Variants in MDGA2 observed in about 807,000 individuals in gnomAD.
The protein encoded by MDGA2 is MAM domain containing glycosylphosphatidylinositol anchor 2.
A neutral mutation model predicts 117.8 loss-of-function variants in MDGA2; 40 were observed. The observed-to-expected ratio is 0.34, with a 90% confidence interval of 0.26 to 0.44. The LOEUF (loss-of-function observed/expected upper bound fraction) is 0.44, where lower values mean the gene tolerates loss of function less well. Among genes scored for constraint, MDGA2 ranks in the 20% least tolerant of loss-of-function variants. The pLI is 1.00. For synonymous variants in MDGA2, 452 were observed against 439.0 expected (o/e 1.03, Z -0.37); for missense variants, 1,123 against 1,250.6 (o/e 0.90, Z 1.54).
At chr14:47,639,171 G>C (rs1043637210) in intron 1 of MDGA2, among the ~76,000 whole-genome samples, 1 of 152,048 alleles carries the variant, frequency 6.6e-6, no homozygotes, top group African/African-American at 2.4e-5. Flanking sequence ...CACCTGATAT[G>C]CGTGAGTATA....
intron 8 of MDGA2, among the ~76,000 whole-genome samples, chr14:47,011,871 G>A (rs1018279939): frequency 6.6e-6 from 1 of 151,892 alleles, no homozygotes; most frequent in South Asian, 2.1e-4. Flanking sequence ...TAATGAAATC[G>A]TATACATTTT....
chr14:47,626,049 C>T (rs1415634435), intron 1 of MDGA2, among the ~76,000 whole-genome samples: 1 of 152,162 alleles, frequency 6.6e-6, no homozygotes, highest in African/African-American at 2.4e-5. Flanking sequence ...TACAGTGAGA[C>T]TCACTCATAC....
chr14:47,137,103 A>G (rs1023493570), intron 4 of MDGA2, among the ~76,000 whole-genome samples: 3 of 152,184 alleles, frequency 2.0e-5, no homozygotes, highest in African/African-American at 7.2e-5. Context: ...GGTCATGGAC[A>G]CTGCTGGTAT....
intron 7 of MDGA2, among the ~76,000 whole-genome samples, chr14:47,052,112 T>C (rs1889479982): frequency 6.6e-6 from 1 of 151,914 alleles, no homozygotes; most frequent in Admixed American, 6.6e-5. Context: ...GTTATCATTT[T>C]AAATGCAAAT....
chr14:47,175,693 A>T (rs572258337), intron 3 of MDGA2, among the ~76,000 whole-genome samples: 70 of 143,506 alleles, frequency 4.9e-4, no homozygotes, highest in African/African-American at 1.8e-3. Context: ...AGCCAATATC[A>T]TACTGAATGG....
chr14:47,433,789 A>G (rs2138532123), intron 1 of MDGA2, among the ~76,000 whole-genome samples: 1 of 152,298 alleles, frequency 6.6e-6, no homozygotes, highest in East Asian at 1.9e-4. Context: ...ATTATCTGCT[A>G]TTTAAATATC....
At chr14:47,124,744 C>G (rs905021769) in intron 5 of MDGA2, among the ~76,000 whole-genome samples, 2 of 152,024 alleles carry the variant, frequency 1.3e-5, no homozygotes, top group South Asian at 4.1e-4. Flanking sequence ...GTTTGGGACA[C>G]TAGAGGAAGG....
At chr14:47,305,124 A>G (rs1242551818) in intron 1 of MDGA2, 2 of 152,196 alleles carry the variant, frequency 1.3e-5, no homozygotes, top group Non-Finnish European at 2.9e-5. Context: ...TTTCTATTTT[A>G]GCAACTATCA....
intron 3 of MDGA2, among the ~76,000 whole-genome samples, chr14:47,193,736 C>T (rs2139415292): frequency 6.6e-6 from 1 of 152,286 alleles, no homozygotes; most frequent in African/African-American, 2.4e-5. Flanking sequence ...ACCTAGAGCT[C>T]AGAGAATGAT....
At chr14:47,088,057 T>G (rs1594606937) in intron 6 of MDGA2, among the ~76,000 whole-genome samples, 1 of 152,028 alleles carries the variant, frequency 6.6e-6, no homozygotes, top group Admixed American at 6.6e-5. Context: ...TGCCTATCAT[T>G]ACATAAAATT....
At chr14:47,557,631 A>G (rs1023934901) in intron 1 of MDGA2, among the ~76,000 whole-genome samples, 9 of 152,208 alleles carry the variant, frequency 5.9e-5, no homozygotes, top group Admixed American at 1.3e-4. Flanking sequence ...AATTTTCACA[A>G]ATGTTATATT....
intron 1 of MDGA2, among the ~76,000 whole-genome samples, chr14:47,434,971 A>T (rs1036669113): frequency 6.6e-6 from 1 of 152,032 alleles, no homozygotes; most frequent in Admixed American, 6.6e-5. Flanking sequence ...ACCTGTCTGT[A>T]CTAAAAATAC....
chr14:47,521,603 C>T (rs1894868242), intron 1 of MDGA2, among the ~76,000 whole-genome samples: 1 of 152,090 alleles, frequency 6.6e-6, no homozygotes, highest in Admixed American at 6.6e-5. Context: ...TTCCAAAATG[C>T]TATGACCACT....
rs547805715 is a variant in MDGA2, at chr14:47,303,188, C to A, written c.281-1638G>T. On this transcript the variant is annotated intron_variant, in intron 1 of 16. Transcript: ENST00000399232. ...GCATTTTTACCAAACACTCAGATAGCTGCAATGACAGAGCTAGTTAGACTA... is the reference window on the plus strand; with the variant it reads ...GCATTTTTACCAAACACTCAGATAGATGCAATGACAGAGCTAGTTAGACTA... Among the ~76,000 whole-genome samples, 3 of 152,240 alleles carry A rather than the reference C, an allele frequency of 2.0e-5. No individual in the cohort carries two copies. The South Asian group carries it at 6.2e-4, about 32-fold the overall frequency.
At chr14:47,013,772 G>A (rs1184950146) in intron 8 of MDGA2, among the ~76,000 whole-genome samples, 3 of 93,700 alleles carry the variant, frequency 3.2e-5, no homozygotes, top group African/African-American at 7.2e-5. Flanking sequence ...TAATTTCCTT[G>A]TATATATATA....
At chr14:47,098,663 T>G (rs1880124143) in intron 5 of MDGA2, among the ~76,000 whole-genome samples, 1 of 151,940 alleles carries the variant, frequency 6.6e-6, no homozygotes, top group African/African-American at 2.4e-5. Flanking sequence ...CTCTATACCC[T>G]GACTTAAGGT....
At chr14:47,472,495 C>T (rs1893749151) in intron 1 of MDGA2, among the ~76,000 whole-genome samples, 1 of 152,164 alleles carries the variant, frequency 6.6e-6, no homozygotes, top group African/African-American at 2.4e-5. Flanking sequence ...ATACTGTATT[C>T]TAATCTTATG....
rs141295539 is a variant in MDGA2, at chr14:47,673,241, T to TCCC, written c.280+1273_280+1275dup. On this transcript the variant is annotated intron_variant, in intron 1 of 16. Coordinates refer to ENST00000399232, the MANE Select transcript of MDGA2 (RefSeq NM_001113498.3). ...AACACCCACCCACTGTGCACTCCGT[T>TCCC]CCCAGAGAGTTTGAGGACTCAGGAT... Among the ~76,000 whole-genome samples the TCCC allele has an allele frequency of 2.5e-3, 386 of 152,282 alleles. 1 individual carries two copies. The highest frequency in any genetic ancestry group is 8.7e-3 in the African/African-American group (362 of 41,566).
chr14:46,841,289 T>C lies in MDGA2; in HGVS notation c.*642A>G, dbSNP rs778274816. 7.9e-5 allele frequency: 12 copies of C among 152,530 alleles called. No individual in the cohort carries two copies. The highest frequency in any genetic ancestry group is 1.0e-4 in the Non-Finnish European group (7 of 68,044). The allele number at this position is 152,530 out of a possible 1,614,324, so 9.4% of individuals were successfully genotyped here. Reference sequence around the variant, plus strand: ...TGCAAAAAGAGACAGCATACAGTTATCTAGCTTAGCCATGGGAGAAAAATA... The same window carrying C: ...TGCAAAAAGAGACAGCATACAGTTACCTAGCTTAGCCATGGGAGAAAAATA... On this transcript the variant is annotated 3_prime_UTR_variant, in exon 17 of 17. Transcript: ENST00000399232.
Sources: allele counts gnomAD v4.1 joint callset (sites outside exome capture counted in the v4.1 genomes callset), GRCh38; gene constraint gnomAD v4.1.1; transcripts MANE v1.5; gene names NCBI Gene and HGNC (gene_info 2026-07-23, HGNC 2026-07-21).